FAM135B: variants seen among roughly 807,000 people sequenced by gnomAD.
FAM135B encodes protein FAM135B.
Under a neutral mutation model 127.7 loss-of-function variants are expected in FAM135B, and 43 were observed. The ratio of observed to expected loss-of-function variants is 0.34; its 90% CI spans 0.26 to 0.43. The LOEUF (loss-of-function observed/expected upper bound fraction) is 0.43. Ranked by LOEUF, FAM135B falls within the 20% of genes least tolerant of loss-of-function variation. The pLI is 1.00. For synonymous variants in FAM135B, 670 were observed against 665.1 expected, an observed-to-expected ratio of 1.01 and a Z score of -0.11; for missense variants, 1,558 against 1,725.6, an observed-to-expected ratio of 0.90 and a Z score of 1.72.
rs542411080 is a variant in FAM135B at position 138,151,424 on chromosome 8, T to C, written c.3051A>G (p.Ala1017=). ...TSIMGSHLTS[A]ETFTLDSLKA... ...TCAGGCTGTCCAGAGTAAAGGTCTC[T>C]GCAGAAGTCAGATGGGACCCCATGA... The change falls in exon 13 of 20, where the codon GCA becomes GCG. Residue 1017 remains alanine, a synonymous_variant. Transcript: ENST00000395297. 3 of 1,614,144 alleles carry C rather than the reference T, an allele frequency of 1.9e-6. No homozygotes were observed. The African/African-American group carries it at 4.0e-5, about 22-fold the overall frequency.
At chr8:138,275,792 T>C (rs868402257) in intron 3 of FAM135B, among the ~76,000 whole-genome samples, 1 of 152,156 alleles carries the variant, frequency 6.6e-6, no homozygotes, top group Middle Eastern at 3.2e-3. Context: ...TATGGTTAAT[T>C]GGCCCTAAAT....
chr8:138,192,332 G>C (rs573538389), intron 9 of FAM135B, among the ~76,000 whole-genome samples: 1 of 152,316 alleles, frequency 6.6e-6, no homozygotes, highest in East Asian at 1.9e-4. Flanking sequence ...TTGCTTTACA[G>C]TTTGAAACAA....
chr8:138,323,300 T>C (rs1827577175), intron 2 of FAM135B, among the ~76,000 whole-genome samples: 1 of 152,176 alleles, frequency 6.6e-6, no homozygotes, highest in Non-Finnish European at 1.5e-5. Flanking sequence ...AAAGCCAGGT[T>C]TTCTCAGGGG....
chr8:138,403,360 T>C (rs1833260944), intron 1 of FAM135B, among the ~76,000 whole-genome samples: 1 of 151,942 alleles, frequency 6.6e-6, no homozygotes, highest in African/African-American at 2.4e-5. Context: ...TCACCAACCT[T>C]GGAGAACAAC....
At chr8:138,382,410 T>C (rs1831913099) in intron 1 of FAM135B, among the ~76,000 whole-genome samples, 1 of 152,030 alleles carries the variant, frequency 6.6e-6, no homozygotes, top group Non-Finnish European at 1.5e-5. Context: ...TGGGAAGGCC[T>C]CTCTTGAGGG....
chr8:138,310,733 T>A, intron 3 of FAM135B, 108 bp downstream of exon 3: 1 of 960,558 alleles, frequency 1.0e-6, no homozygotes. Context: ...TCACCACAGA[T>A]TGACTGAGTA....
intron 1 of FAM135B, among the ~76,000 whole-genome samples, chr8:138,370,269 G>A (rs1831028705): frequency 6.6e-6 from 1 of 152,038 alleles, no homozygotes; most frequent in African/African-American, 2.4e-5. Flanking sequence ...CTTGAAAGAT[G>A]CACCATACCA....
intron 1 of FAM135B, among the ~76,000 whole-genome samples, chr8:138,483,693 C>A (rs1486598593): frequency 6.6e-6 from 1 of 152,162 alleles, no homozygotes; most frequent in African/African-American, 2.4e-5. Flanking sequence ...ATAATCAGGA[C>A]CCCAAAAATA....
intron 1 of FAM135B, among the ~76,000 whole-genome samples, chr8:138,454,728 A>G (rs970762595): frequency 1.3e-5 from 2 of 152,228 alleles, no homozygotes; most frequent in African/African-American, 4.8e-5. Flanking sequence ...GGCTTCACAC[A>G]CAGAGAGCTC....
chr8:138,156,286 C>T (rs892377758), intron 12 of FAM135B, among the ~76,000 whole-genome samples: 4 of 152,178 alleles, frequency 2.6e-5, no homozygotes, highest in African/African-American at 9.7e-5. Flanking sequence ...CTCTGGGACA[C>T]ATTTAAGCAG....
chr8:138,266,288 G>A (rs1246749166), intron 3 of FAM135B, among the ~76,000 whole-genome samples: 1 of 152,106 alleles, frequency 6.6e-6, no homozygotes, highest in Non-Finnish European at 1.5e-5. Flanking sequence ...TCTCAAAGGT[G>A]CTGCTTGCAC....
chr8:138,228,243 G>A (rs997626383), intron 7 of FAM135B, among the ~76,000 whole-genome samples: 2 of 146,626 alleles, frequency 1.4e-5, no homozygotes, highest in African/African-American at 4.9e-5. Context: ...TCAGAATCAT[G>A]GGGTAATATT....
intron 1 of FAM135B, among the ~76,000 whole-genome samples, chr8:138,480,917 C>A (rs767691057): frequency 6.6e-6 from 1 of 152,114 alleles, no homozygotes; most frequent in Non-Finnish European, 1.5e-5. Flanking sequence ...TGAAAAGAGA[C>A]CAGTAAGAAT....
chr8:138,204,454 T>C (rs1185955139), intron 7 of FAM135B, among the ~76,000 whole-genome samples: 5 of 152,184 alleles, frequency 3.3e-5, no homozygotes, highest in African/African-American at 4.8e-5. Context: ...TCTTTGAAAC[T>C]GAAACAATTG....
At chr8:138,256,526 A>T (rs2130541205) in intron 5 of FAM135B, among the ~76,000 whole-genome samples, 163 bp downstream of exon 5, 1 of 152,246 alleles carries the variant, frequency 6.6e-6, no homozygotes, top group East Asian at 1.9e-4. Context: ...GACCACACAA[A>T]CTTTCTTAGC....
At chr8:138,407,888 A>G (rs778780265) in intron 1 of FAM135B, among the ~76,000 whole-genome samples, 5 of 152,214 alleles carry the variant, frequency 3.3e-5, no homozygotes, top group Non-Finnish European at 7.3e-5. Context: ...CAATGGCAAC[A>G]AAAGCCAAAA....
chr8:138,442,446 C>T (rs1020348316), intron 1 of FAM135B, among the ~76,000 whole-genome samples: 1 of 151,394 alleles, frequency 6.6e-6, no homozygotes, highest in Non-Finnish European at 1.5e-5. Context: ...TGCTGTTTAA[C>T]ATCCTCTTTC....
chr8:138,433,717 C>T (rs1216309144), intron 1 of FAM135B, among the ~76,000 whole-genome samples: 1 of 152,076 alleles, frequency 6.6e-6, no homozygotes, highest in Non-Finnish European at 1.5e-5. Flanking sequence ...AAGTTTATGA[C>T]TTGTTTTCTT....
chr8:138,251,153 G>A, intron 5 of FAM135B, 139 bp from the exon 6 acceptor site: 2 of 1,001,468 alleles, frequency 2.0e-6, no homozygotes, highest in Non-Finnish European at 2.9e-6. Flanking sequence ...TGCTCTGCCT[G>A]GTAGAAATCA....
Sources: gnomAD v4.1 joint callset for allele counts (sites outside exome capture counted in the v4.1 genomes callset) on GRCh38, gnomAD v4.1.1 for gene constraint, MANE v1.5 for transcripts, NCBI Gene and HGNC (gene_info 2026-07-23, HGNC 2026-07-21) for gene names.